NCOA2: variants seen among roughly 807,000 people sequenced by gnomAD.
The protein encoded by NCOA2 is nuclear receptor coactivator 2, also known as class E basic helix-loop-helix protein 75.
In NCOA2, 21 loss-of-function variants were observed where a neutral mutation model predicts 145.1. The ratio of observed to expected loss-of-function variants is 0.14; its 90% CI spans 0.10 to 0.21. The LOEUF is 0.21. Ranked by LOEUF, NCOA2 falls within the 10% of genes least tolerant of loss-of-function variation. NCOA2 has a pLI of 1.00. For missense variants in NCOA2, 1,472 were observed against 1,837.6 expected (o/e 0.80, Z 3.64); for synonymous variants, 619 against 637.5 (o/e 0.97, Z 0.44).
chr8:70,262,367 C>T (rs779862444), intron 2 of NCOA2, among the ~76,000 whole-genome samples: 2 of 152,202 alleles, frequency 1.3e-5, no homozygotes, highest in Non-Finnish European at 2.9e-5. Flanking sequence ...GGATAATCAA[C>T]ATGTCCAGTC....
the NCOA2 span, among the ~76,000 whole-genome samples, chr8:70,453,640 A>C: frequency 7.9e-5 from 12 of 152,328 alleles, no homozygotes; most frequent in African/African-American, 2.4e-4. Flanking sequence ...CTGAAGTCTC[A>C]GTGAGGCCCT....
At chr8:70,251,498 G>A (rs1236352455) in intron 2 of NCOA2, among the ~76,000 whole-genome samples, 1 of 152,214 alleles carries the variant, frequency 6.6e-6, no homozygotes, top group African/African-American at 2.4e-5. Context: ...TTAGCACACT[G>A]TAAACCACTC....
chr8:70,391,203 T>C (rs987280342), intron 1 of NCOA2, among the ~76,000 whole-genome samples: 4 of 152,238 alleles, frequency 2.6e-5, no homozygotes, highest in African/African-American at 9.6e-5. Flanking sequence ...GAAGTTACTA[T>C]TGCTCCGAAA....
intron 2 of NCOA2, among the ~76,000 whole-genome samples, chr8:70,237,104 G>A (rs1261567729): frequency 6.6e-6 from 1 of 152,150 alleles, no homozygotes; most frequent in African/African-American, 2.4e-5. Context: ...CTGCTATCGA[G>A]TTTGAAGCTA....
intron 4 of NCOA2, among the ~76,000 whole-genome samples, chr8:70,178,572 T>A (rs1331573468): frequency 6.6e-6 from 1 of 152,192 alleles, no homozygotes; most frequent in Non-Finnish European, 1.5e-5. Context: ...TGGCCTGCAC[T>A]GTCTGTGCAG....
chr8:70,380,335 T>C (rs1160684053), intron 1 of NCOA2, among the ~76,000 whole-genome samples: 33 of 152,140 alleles, frequency 2.2e-4, no homozygotes, highest in Admixed American at 2.2e-3. Context: ...CAAACCTAAA[T>C]TCTCTGTCAA....
intron 2 of NCOA2, among the ~76,000 whole-genome samples, chr8:70,293,847 G>A (rs1826886803): frequency 6.6e-6 from 1 of 152,122 alleles, no homozygotes; most frequent in Non-Finnish European, 1.5e-5. Context: ...AAAAATCATA[G>A]TTCAGTCTGT....
chr8:70,202,203 T>A (rs1817966690), intron 4 of NCOA2, among the ~76,000 whole-genome samples: 1 of 151,754 alleles, frequency 6.6e-6, no homozygotes, highest in Non-Finnish European at 1.5e-5. Flanking sequence ...TTGGTGAGAG[T>A]ATGGGAAAAT....
the NCOA2 span, among the ~76,000 whole-genome samples, chr8:70,439,443 C>T: frequency 1.3e-5 from 2 of 152,260 alleles, no homozygotes; most frequent in East Asian, 1.9e-4. Flanking sequence ...TGGGTCTGAT[C>T]AGTCAGACAA....
chr8:70,366,490 A>G (rs1450555425), intron 1 of NCOA2, among the ~76,000 whole-genome samples: 1 of 151,828 alleles, frequency 6.6e-6, no homozygotes, highest in African/African-American at 2.4e-5. Context: ...TTTAATACTC[A>G]GGGGCTTTCG....
chr8:70,294,252 A>G (rs2135714287), intron 2 of NCOA2, among the ~76,000 whole-genome samples: 1 of 152,238 alleles, frequency 6.6e-6, no homozygotes, highest in South Asian at 2.1e-4. Flanking sequence ...TTCAAGATAA[A>G]GGTTCTAAGT....
At chr8:70,353,605 A>T (rs1461175290) in intron 1 of NCOA2, among the ~76,000 whole-genome samples, 3 of 151,770 alleles carry the variant, frequency 2.0e-5, no homozygotes, top group Admixed American at 6.6e-5. Flanking sequence ...ACACATCTTT[A>T]ATGGTAAAAC....
chr8:70,278,715 C>G (rs1825650254), intron 2 of NCOA2, among the ~76,000 whole-genome samples: 1 of 152,038 alleles, frequency 6.6e-6, no homozygotes, highest in Admixed American at 6.5e-5. Context: ...GCCTGTGATC[C>G]CAGCATTTTG....
intron 1 of NCOA2, among the ~76,000 whole-genome samples, chr8:70,395,101 G>A (rs1429947544): frequency 6.6e-6 from 1 of 152,180 alleles, no homozygotes; most frequent in Admixed American, 6.5e-5. Context: ...AATCTTGATT[G>A]TATTCTTTTC....
At chr8:70,425,998 T>A in the NCOA2 span, among the ~76,000 whole-genome samples, 1 of 152,230 alleles carries the variant, frequency 6.6e-6, no homozygotes, top group Non-Finnish European at 1.5e-5. Context: ...GATCACTGTC[T>A]TCATTTCCCT....
At chr8:70,304,469 A>ATAT (rs1396987650) in intron 1 of NCOA2, among the ~76,000 whole-genome samples, 4 of 148,640 alleles carry the variant, frequency 2.7e-5, no homozygotes. Flanking sequence ...GACTATATGC[A>ATAT]TATTTTTTTT....
intron 1 of NCOA2, among the ~76,000 whole-genome samples, chr8:70,348,021 C>A (rs1488669861): frequency 6.6e-6 from 1 of 152,120 alleles, no homozygotes; most frequent in Admixed American, 6.5e-5. Context: ...TTTGCTAAAG[C>A]AATAAAAAGG....
intron 1 of NCOA2, among the ~76,000 whole-genome samples, chr8:70,326,977 A>C (rs1806643840): frequency 6.6e-6 from 1 of 152,166 alleles, no homozygotes; most frequent in Admixed American, 6.5e-5. Flanking sequence ...GACAATCTTA[A>C]CTTCACTCAG....
In NCOA2 at chr8:70,141,325, C is replaced by T. The variant is rs1810394670; in HGVS notation, c.2887G>A (p.Val963Ile). Residue 963 changes from valine to isoleucine, a missense_variant, in exon 14 of 23, where the codon GTC (valine) becomes ATC (isoleucine). Physicochemically the swap from Val to Ile is conservative, Grantham distance 29. Transcript: ENST00000452400. ...GCACTGGTGGTAGCAGCACAGGTGA[C>T]TCTCACAGCCGAACTCTGCGGTGCC... Reference protein sequence around the residue: ...EWAPQSSAVRVTCAATTSAMN... With the variant: ...EWAPQSSAVRITCAATTSAMN... The T allele has an allele frequency of 6.2e-7, 1 of 1,613,952 alleles. No homozygotes were observed. Among genetic ancestry groups the T allele is most frequent in the Non-Finnish European group, 8.5e-7 (1 of 1,179,900 alleles).
Sources: allele counts gnomAD v4.1 joint callset (sites outside exome capture counted in the v4.1 genomes callset), GRCh38; gene constraint gnomAD v4.1.1; transcripts MANE v1.5; gene names NCBI Gene and HGNC (gene_info 2026-07-23, HGNC 2026-07-21).